The following CCDC39 variants were observed in gnomAD, a reference collection of about 807,000 sequenced individuals.
CCDC39 encodes the protein coiled-coil domain 39 molecular ruler complex subunit.
A neutral mutation model predicts 121.0 loss-of-function variants in CCDC39; 113 were observed. That is an observed-to-expected ratio of 0.93 (90% CI 0.80 to 1.09). CCDC39 has a LOEUF of 1.09. CCDC39 is among the 50% of genes least tolerant of loss of function. The probability of loss-of-function intolerance (pLI) is 0.00; values close to 1 mark genes in which losing one functional copy is unlikely to be tolerated. For synonymous variants in CCDC39, 349 were observed against 352.2 expected (o/e 0.99, Z 0.10); for missense variants, 1,063 against 1,074.7 (o/e 0.99, Z 0.15).
At position 180,664,241 on chromosome 3, in the gene CCDC39, T is replaced by G. The variant is rs78801503; in HGVS notation, c.91-255A>C. ...GATTCCTGGTGAGGGCCCTCTTTCT[T>G]ATTTGCAGACAGATGCCTTCTTGCT... On this transcript the variant is annotated intron_variant, in intron 1 of 19. Coordinates refer to ENST00000476379, the MANE Select transcript of CCDC39 (RefSeq NM_181426.2). Among the ~76,000 whole-genome samples, 5,892 of 152,224 alleles carry G rather than the reference T, an allele frequency of 0.039. 394 individuals are homozygous for G. Among genetic ancestry groups the G allele is most frequent in the African/African-American group, 0.14 (5,618 of 41,528 alleles).
At chr3:180,677,678 T>C (rs1314129151) in intron 1 of CCDC39, among the ~76,000 whole-genome samples, 1 of 152,190 alleles carries the variant, frequency 6.6e-6, no homozygotes, top group East Asian at 1.9e-4. Context: ...AATACTAAAA[T>C]AAATATTTTG....
Position 180,631,704 on chromosome 3 carries a change from C to G in CCDC39, c.1875-112G>C. 3.5e-6 allele frequency: 3 copies of G among 856,228 alleles called. No individual in the cohort carries two copies. The Admixed American group carries it at 8.6e-5, about 25-fold the overall frequency. The allele number at this position is 856,228 out of a possible 1,614,324, so 53.0% of individuals were successfully genotyped here. On this transcript the variant is annotated intron_variant, in intron 13 of 19. Coordinates refer to ENST00000476379, the MANE Select transcript of CCDC39 (RefSeq NM_181426.2). The stretch of plus-strand genomic sequence containing the variant: ...GATTTGTGTTACTACTAAACTCAAA[C>G]AGGTTAAATTTGTTCTCACGTTTTA...
In CCDC39 at chr3:180,631,514, A is replaced by T; in HGVS notation, c.1953T>A (p.Pro651=). The T allele has an allele frequency of 6.2e-7, 1 of 1,608,266 alleles. No homozygotes were observed. Among genetic ancestry groups the T allele is most frequent in the East Asian group, 2.2e-5 (1 of 44,854 alleles). ...GTGTTTTCTCCTCTTCTCCTTCAGGAGGCAGCATAACAACAGTCAGAATTT... is the reference window on the plus strand; with the variant it reads ...GTGTTTTCTCCTCTTCTCCTTCAGGTGGCAGCATAACAACAGTCAGAATTT... ...RYEILTVVML[P]PEGEEEKTQA... is the part of the protein sequence containing the mutation. The change falls in exon 14 of 20, where the codon CCT becomes CCA. Residue 651 remains proline (P), a synonymous_variant. Coordinates refer to ENST00000476379, the MANE Select transcript of CCDC39 (RefSeq NM_181426.2).
At chr3:180,621,037 G>A (rs1717418431) in intron 14 of CCDC39, among the ~76,000 whole-genome samples, 1 of 152,014 alleles carries the variant, frequency 6.6e-6, no homozygotes, top group Admixed American at 6.6e-5. Flanking sequence ...CTGTGCCTGA[G>A]TTGTTTCTCT....
chr3:180,657,302 A>G (rs2108427600), intron 6 of CCDC39, among the ~76,000 whole-genome samples: 1 of 152,272 alleles, frequency 6.6e-6, no homozygotes, highest in South Asian at 2.1e-4. Flanking sequence ...CAATCAGGAG[A>G]TGTCAACATG....
chr3:180,647,885 T>G lies in CCDC39; in HGVS notation c.1362+280A>C, dbSNP rs79442334. Among the ~76,000 whole-genome samples the G allele has an allele frequency of 0.016, 2,476 of 152,200 alleles. 77 individuals are homozygous for G. The highest frequency in any genetic ancestry group is 0.057 in the African/African-American group (2,358 of 41,522). The stretch of plus-strand genomic sequence containing the variant: ...GTTTCAGATATCTCGTGCCTTCTTC[T>G]GTTTTACTCTGGATGCAAATGTCTC... On this transcript the variant is annotated intron_variant, in intron 10 of 19. Coordinates refer to ENST00000476379, the MANE Select transcript of CCDC39 (RefSeq NM_181426.2).
chr3:180,623,743 T>TG (rs1717488276), intron 14 of CCDC39, among the ~76,000 whole-genome samples: 1 of 152,158 alleles, frequency 6.6e-6, no homozygotes, highest in Non-Finnish European at 1.5e-5. Flanking sequence ...ATTGTTTAAT[T>TG]TCCATATATC....
chr3:180,679,251 GCT>G lies in CCDC39; in HGVS notation c.90+38_90+39del. On this transcript the variant is annotated intron_variant, in intron 1 of 19. Coordinates refer to ENST00000476379, the MANE Select transcript of CCDC39 (RefSeq NM_181426.2). This position sits in a 1 kb window ranked among gnomAD's most constrained non-coding sequence, Gnocchi z 4.0. ...GCCAACCAGAAAACGCCCCCAACAGGCTCTCTCTGCTTCCTCCCGCCTGCTTC... is the reference window on the plus strand; with the variant it reads ...GCCAACCAGAAAACGCCCCCAACAGGCTCTCTGCTTCCTCCCGCCTGCTTC... The G allele has an allele frequency of 7.8e-6, 12 of 1,536,534 alleles. No individual in the cohort carries two copies. Among genetic ancestry groups the G allele is most frequent in the Non-Finnish European group, 1.1e-5 (12 of 1,109,200 alleles).
intron 6 of CCDC39, among the ~76,000 whole-genome samples, chr3:180,655,909 A>T (rs1471622761): frequency 6.6e-6 from 1 of 152,200 alleles, no homozygotes; most frequent in Non-Finnish European, 1.5e-5. Context: ...AAATTACCCT[A>T]ATGTGTATTA....
chr3:180,679,470 A>C lies in CCDC39; in HGVS notation c.-90T>G. Reference sequence around the variant, plus strand: ...ACCCGCGTCAAGCCCAGGCACCTGCACAGTGCCGCGGCAATTGCCGGGGGA... The same window carrying C: ...ACCCGCGTCAAGCCCAGGCACCTGCCCAGTGCCGCGGCAATTGCCGGGGGA... On this transcript the variant is annotated 5_prime_UTR_variant, in exon 1 of 20. Transcript: ENST00000476379. The surrounding 1 kb of genome is among the most constrained non-coding windows in gnomAD (Gnocchi z 4.0). 1.6e-6 allele frequency: 2 copies of C among 1,229,156 alleles called. No individual in the cohort carries two copies. Among genetic ancestry groups the C allele is most frequent in the Admixed American group, 3.4e-5 (2 of 59,432 alleles). The allele number at this position is 1,229,156 out of a possible 1,614,324, so 76.1% of individuals were successfully genotyped here.
intron 6 of CCDC39, among the ~76,000 whole-genome samples, chr3:180,658,899 AT>A (rs1262407818): frequency 6.6e-6 from 1 of 152,074 alleles, no homozygotes; most frequent in Non-Finnish European, 1.5e-5. Context: ...TTCCTTAATG[AT>A]TTTCCAAAAA....
chr3:180,651,513 T>A lies in CCDC39; in HGVS notation c.1055A>T (p.His352Leu). 2 of 1,528,094 alleles carry A rather than the reference T, an allele frequency of 1.3e-6. No individual in the cohort carries two copies. The highest frequency in any genetic ancestry group is 1.8e-6 in the Non-Finnish European group (2 of 1,140,102). 94.7% of individuals were successfully genotyped at this position (1,528,094 alleles called of 1,614,324 possible). A position where few individuals can be genotyped will look rare whatever the true frequency, so the allele number is the denominator to read the frequency against. Residue 352 changes from histidine to leucine, a missense_variant, in exon 9 of 20, where the codon CAT becomes CTT. Transcript: ENST00000476379. ...ETARLQKTKN[H>L]NEIIQTKLKE... ...TAATTTTGTTTGTATTATCTCATTA[T>A]GATTTTTAGTTTTTTGTAACCTGAA...
Position 180,664,698 on chromosome 3 carries a change from C to CT in CCDC39, c.91-713dup, listed in dbSNP as rs535953318. On this transcript the variant is annotated intron_variant, in intron 1 of 19. Coordinates refer to ENST00000476379, the MANE Select transcript of CCDC39 (RefSeq NM_181426.2). ...ACTCCATTATTAAACCACAAGAGAT[C>CT]TTTTTTTTTTTTTTGAGATGGAGTC... Among the ~76,000 whole-genome samples the CT allele has an allele frequency of 8.6e-3, 1,182 of 137,292 alleles. 7 individuals are homozygous for CT. Among genetic ancestry groups the CT allele is most frequent in the African/African-American group, 0.019 (687 of 36,726 alleles). The allele number at this position is 137,292 out of a possible 152,430, so 90.1% of individuals were successfully genotyped here.
intron 13 of CCDC39, among the ~76,000 whole-genome samples, chr3:180,633,556 A>G (rs755261274): frequency 1.2e-4 from 18 of 152,074 alleles, no homozygotes; most frequent in Non-Finnish European, 1.9e-4. Flanking sequence ...ACAAGGGGGG[A>G]GATTAGGCAG....
rs774967179 is a variant in CCDC39 at position 180,631,427 on chromosome 3, G to A, written c.1998+42C>T. The A allele has an allele frequency of 3.8e-5, 58 of 1,537,858 alleles. No individual in the cohort carries two copies. In the East Asian group the frequency reaches 1.3e-3, roughly 34 times the overall value. ...GGATTATGATGAATGAGTTAACAAA[G>A]AAAATTTCATACCATCACAACTGTG... On this transcript the variant is annotated intron_variant, in intron 14 of 19. Transcript: ENST00000476379.
chr3:180,679,294 A>T lies in CCDC39; in HGVS notation c.87T>A (p.Asp29Glu), dbSNP rs993549281. The change falls in exon 1 of 20, where the codon GAT (aspartate) becomes GAA (glutamate). Residue 29 changes from aspartate to glutamate, a missense_variant. Transcript: ENST00000476379. This position sits in a 1 kb window ranked among gnomAD's most constrained non-coding sequence, Gnocchi z 4.0. ...VANEENKLLEDQLSKLKDERA... is the reference protein window; with the variant it reads ...VANEENKLLEEQLSKLKDERA... ...CGCCTGCTTCAATTGATCTCACCTG[A>T]TCTTCCAGTAGCTTGTTCTCCTCGT... 16 of 1,613,298 alleles carry T rather than the reference A, an allele frequency of 9.9e-6. No individual in the cohort carries two copies. The highest frequency in any genetic ancestry group is 1.3e-5 in the African/African-American group (1 of 74,862).
At chr3:180,622,484 G>A (rs1374203449) in intron 14 of CCDC39, among the ~76,000 whole-genome samples, 1 of 152,052 alleles carries the variant, frequency 6.6e-6, no homozygotes, top group Non-Finnish European at 1.5e-5. Flanking sequence ...TCCTTGTCTT[G>A]TTCTAATTCT....
chr3:180,648,250 G>A lies in CCDC39; in HGVS notation c.1277C>T (p.Thr426Ile). The A allele has an allele frequency of 1.2e-6, 2 of 1,613,522 alleles. No individual in the cohort carries two copies. Among genetic ancestry groups the A allele is most frequent in the Non-Finnish European group, 1.7e-6 (2 of 1,179,630 alleles). ...GTTGAGATGTTTCAGAGAGGAACGA[G>A]TTCCTTCAATTTCTGATAAAACAGC... ...EKAVLSEIEGTRSSLKHLNHQ... is the reference protein window; with the variant it reads ...EKAVLSEIEGIRSSLKHLNHQ... The change falls in exon 10 of 20, where the codon ACT becomes ATT. Residue 426 changes from threonine to isoleucine, a missense_variant. Physicochemically the swap from Thr to Ile is moderately conservative, Grantham distance 89. Coordinates refer to ENST00000476379, the MANE Select transcript of CCDC39 (RefSeq NM_181426.2).
chr3:180,624,800 T>C (rs1481416705), intron 14 of CCDC39, among the ~76,000 whole-genome samples: 1 of 152,176 alleles, frequency 6.6e-6, no homozygotes, highest in Non-Finnish European at 1.5e-5. Flanking sequence ...TATTTTGTTC[T>C]GTTTTTGTTT....
Sources: gnomAD v4.1 joint callset for allele counts (sites outside exome capture counted in the v4.1 genomes callset) on GRCh38, gnomAD v4.1.1 for gene constraint, Gnocchi (gnomAD v3.1) non-coding constraint, MANE v1.5 for transcripts, NCBI Gene and HGNC (gene_info 2026-07-23, HGNC 2026-07-21) for gene names.